HIVEP1: variants seen among roughly 807,000 people sequenced by gnomAD.
The protein encoded by HIVEP1 is zinc finger protein 40.
Under a neutral mutation model 180.0 loss-of-function variants are expected in HIVEP1, and 36 were observed. The ratio of observed to expected loss-of-function variants is 0.20; its 90% confidence interval spans 0.15 to 0.26. The LOEUF (loss-of-function observed/expected upper bound fraction) is 0.26, where lower values mean the gene tolerates loss of function less well. Among genes scored for constraint, HIVEP1 ranks in the 10% least tolerant of loss-of-function variants. HIVEP1 has a pLI of 1.00. For missense variants in HIVEP1, 3,143 were observed against 3,268.7 expected (o/e 0.96, Z 0.94); for synonymous variants, 1,239 against 1,239.0 (o/e 1.00, Z 0.00).
intron 2 of HIVEP1, among the ~76,000 whole-genome samples, chr6:12,076,704 T>C (rs1248405749): frequency 3.3e-5 from 5 of 152,106 alleles, no homozygotes; most frequent in Non-Finnish European, 7.4e-5. Context: ...CACCGCCCAG[T>C]AGACCCTGCC....
At chr6:12,064,097 T>C (rs768301979) in intron 2 of HIVEP1, among the ~76,000 whole-genome samples, 28 of 152,330 alleles carry the variant, frequency 1.8e-4, no homozygotes, top group Non-Finnish European at 1.2e-4. Flanking sequence ...CCTAGAGCTT[T>C]CTTCTCTAAT....
chr6:12,128,524 G>A (rs1045458170), intron 4 of HIVEP1, among the ~76,000 whole-genome samples: 9 of 152,174 alleles, frequency 5.9e-5, no homozygotes, highest in Non-Finnish European at 7.3e-5. Flanking sequence ...TGTGCGTTGC[G>A]TTGGATTCAG....
intron 7 of HIVEP1, among the ~76,000 whole-genome samples, chr6:12,152,559 A>C (rs1243694464): frequency 1.3e-5 from 2 of 152,148 alleles, no homozygotes; most frequent in Non-Finnish European, 1.5e-5. Flanking sequence ...TAAGCTACCC[A>C]TTTTATCTTT....
chr6:12,093,097 G>C (rs560670747), intron 3 of HIVEP1, among the ~76,000 whole-genome samples: 13 of 152,242 alleles, frequency 8.5e-5, no homozygotes, highest in Middle Eastern at 6.8e-3. Context: ...AAATGAGGTT[G>C]TAGTTTGTTA....
Position 12,103,596 on chromosome 6 carries a change from A to G in HIVEP1, c.94+14359A>G, listed in dbSNP as rs373126885. 4.0e-5 allele frequency among the ~76,000 whole-genome samples: 6 copies of G among 151,868 alleles called. No homozygotes were observed. In the East Asian group the frequency reaches 9.6e-4, roughly 24 times the overall value. On this transcript the variant is annotated intron_variant, in intron 3 of 8. Coordinates refer to ENST00000379388, the MANE Select transcript of HIVEP1 (RefSeq NM_002114.4). ...TTTTTATCTATCTGGACTTAACTGT[A>G]TTAGGCAGCTGTTATTATATTTAAT...
At chr6:12,133,959 C>T (rs886581642) in intron 6 of HIVEP1, among the ~76,000 whole-genome samples, 7 of 148,342 alleles carry the variant, frequency 4.7e-5, no homozygotes, top group Non-Finnish European at 1.0e-4. Context: ...GCCTGGGCAA[C>T]AGTAAGACTC....
At chr6:12,059,329 C>A (rs1392323234) in intron 2 of HIVEP1, among the ~76,000 whole-genome samples, 1 of 152,132 alleles carries the variant, frequency 6.6e-6, no homozygotes, top group African/African-American at 2.4e-5. Context: ...TGAGCCACTG[C>A]GCCCAGCCAA....
chr6:12,124,084 T>C lies in HIVEP1; in HGVS notation c.4289T>C (p.Val1430Ala). Residue 1430 changes from valine to alanine, a missense_variant, in exon 4 of 9, where the codon GTA becomes GCA. Coordinates refer to ENST00000379388, the MANE Select transcript of HIVEP1 (RefSeq NM_002114.4). Reference protein sequence around the residue: ...PLLERRRGPLVRQISLNIAPD... With the variant: ...PLLERRRGPLARQISLNIAPD... ...TTAGAAAGAAGGAGAGGCCCACTGGTACGGCAAATATCTTTAAACATAGCC... is the reference window on the plus strand; with the variant it reads ...TTAGAAAGAAGGAGAGGCCCACTGGCACGGCAAATATCTTTAAACATAGCC... 2.5e-6 allele frequency: 4 copies of C among 1,614,128 alleles called. No individual in the cohort carries two copies. The highest frequency in any genetic ancestry group is 3.4e-6 in the Non-Finnish European group (4 of 1,179,982).
the HIVEP1 span, among the ~76,000 whole-genome samples, chr6:12,191,674 A>G: frequency 1.3e-5 from 2 of 152,234 alleles, no homozygotes; most frequent in Admixed American, 6.5e-5. Context: ...CCAGAAATCA[A>G]TAGTCAATAT....
intron 7 of HIVEP1, among the ~76,000 whole-genome samples, chr6:12,156,839 A>T: frequency 6.6e-6 from 1 of 152,200 alleles, no homozygotes; most frequent in East Asian, 1.9e-4. Flanking sequence ...GAACATTTCT[A>T]TAAATGTCTA....
chr6:12,103,184 GTAATAATAATAA>G lies in HIVEP1; in HGVS notation c.94+13968_94+13979del, dbSNP rs60181903. Among the ~76,000 whole-genome samples, 56 of 147,656 alleles carry G rather than the reference GTAATAATAATAA, an allele frequency of 3.8e-4. 1 individual carries two copies. The highest frequency in any genetic ancestry group is 1.9e-3 in the Admixed American group (28 of 14,820). On this transcript the variant is annotated intron_variant, in intron 3 of 8. Transcript: ENST00000379388. ...TGCAACCAGCGATGGTGTTGATTAT[GTAATAATAATAA>G]TAATAATAATAATAATAATATCAAC...
rs773644986 is a variant in HIVEP1 at position 12,164,161 on chromosome 6, C to A, written c.7857C>A (p.Ala2619=). 2 of 1,614,002 alleles carry A rather than the reference C, an allele frequency of 1.2e-6. No homozygotes were observed. Among genetic ancestry groups the A allele is most frequent in the South Asian group, 2.2e-5 (2 of 91,082 alleles). ...CAAAAAAAGTTCTGAATCCACCTGC[C>A]CCTGCAGGTGACCATGCAAGGCTTG... The part of the protein sequence containing the change: ...ENAKKVLNPP[A]PAGDHARLDG... Residue 2619 remains alanine (A), a synonymous_variant, in exon 9 of 9, where the codon GCC becomes GCA. Transcript: ENST00000379388.
chr6:12,161,540 A>G lies in HIVEP1; in HGVS notation c.6589A>G (p.Ser2197Gly). 6.2e-7 allele frequency: 1 copy of G among 1,614,208 alleles called. No individual in the cohort carries two copies. The highest frequency in any genetic ancestry group is 8.5e-7 in the Non-Finnish European group (1 of 1,180,020). The change falls in exon 8 of 9, where the codon AGC becomes GGC. Residue 2197 changes from serine (S) to glycine (G), a missense_variant. By Grantham distance (56) the Ser-to-Gly change is moderately conservative (BLOSUM62 0). This residue lies in a region of HIVEP1 where 126 missense variants were observed against 168.5 expected (regional missense o/e 0.75). Coordinates refer to ENST00000379388, the MANE Select transcript of HIVEP1 (RefSeq NM_002114.4). ...DNENEDDDED[S>G]QAESVLSATP... ...TGAAAATGAAGACGATGATGAGGAC[A>G]GCCAGGCTGAATCAGTCCTGTCAGC...
At chr6:12,019,843 T>C (rs1768070383) in intron 2 of HIVEP1, among the ~76,000 whole-genome samples, 1 of 152,236 alleles carries the variant, frequency 6.6e-6, no homozygotes. Flanking sequence ...CTTTCAGGAA[T>C]GTGAATTTTA....
chr6:12,113,305 T>G (rs1268317416), intron 3 of HIVEP1, among the ~76,000 whole-genome samples: 1 of 149,318 alleles, frequency 6.7e-6, no homozygotes, highest in Non-Finnish European at 1.5e-5. Flanking sequence ...GTGCGGTGAG[T>G]TGAAGGTTGA....
At chr6:12,087,451 A>G (rs1288799578) in intron 2 of HIVEP1, among the ~76,000 whole-genome samples, 1 of 152,090 alleles carries the variant, frequency 6.6e-6, no homozygotes, top group African/African-American at 2.4e-5. Flanking sequence ...TATAATACAT[A>G]TATATTATTT....
intron 7 of HIVEP1, among the ~76,000 whole-genome samples, chr6:12,146,430 C>T (rs1759376441): frequency 6.6e-6 from 1 of 152,124 alleles, no homozygotes; most frequent in Non-Finnish European, 1.5e-5. Context: ...GCAACAAGAG[C>T]TAAACTCCAT....
At chr6:12,061,468 A>G (rs1264963832) in intron 2 of HIVEP1, among the ~76,000 whole-genome samples, 1 of 152,230 alleles carries the variant, frequency 6.6e-6, no homozygotes, top group Non-Finnish European at 1.5e-5. Flanking sequence ...TACAGATATT[A>G]CAGAGTGGTG....
At chr6:12,207,001 G>A in the HIVEP1 span, among the ~76,000 whole-genome samples, 2 of 152,108 alleles carry the variant, frequency 1.3e-5, no homozygotes, top group East Asian at 3.8e-4. Context: ...AACCTAGGGG[G>A]TTGCCAACAT....
Sources: allele counts gnomAD v4.1 joint callset (sites outside exome capture counted in the v4.1 genomes callset), GRCh38; gene constraint gnomAD v4.1.1; regional missense constraint gnomAD v4.1.1; transcripts MANE v1.5; gene names NCBI Gene and HGNC (gene_info 2026-07-23, HGNC 2026-07-21).